ASTN2: variants seen among roughly 807,000 people sequenced by gnomAD.
ASTN2 encodes astrotactin 2, also known as astrotactin-2.
Under a neutral mutation model 139.8 loss-of-function variants are expected in ASTN2, and 54 were observed. The observed-to-expected ratio is 0.39, with a 90% CI of 0.31 to 0.48. The LOEUF is 0.48. Among genes scored for constraint, ASTN2 ranks in the 20% least tolerant of loss-of-function variants. The pLI is 0.95. For synonymous variants in ASTN2, 756 were observed against 719.5 expected (o/e 1.05, Z -0.81); for missense variants, 1,565 against 1,725.1 (o/e 0.91, Z 1.64).
intron 6 of ASTN2, among the ~76,000 whole-genome samples, chr9:117,026,038 T>G (rs1838067057): frequency 6.6e-6 from 1 of 152,124 alleles, no homozygotes. Flanking sequence ...GTGTTGGGAT[T>G]ACAGGCATGA....
At chr9:117,217,479 C>T (rs1465947638) in intron 2 of ASTN2, among the ~76,000 whole-genome samples, 5 of 152,216 alleles carry the variant, frequency 3.3e-5, no homozygotes, top group Non-Finnish European at 7.3e-5. Flanking sequence ...ACTAATGCCC[C>T]TTCTTCCTTC....
intron 10 of ASTN2, among the ~76,000 whole-genome samples, chr9:116,908,408 TA>T (rs34243195): frequency 0.51 from 76,844 of 151,960 alleles, 20,671 homozygotes; most frequent in Non-Finnish European, 0.6. Context: ...TAATGATTTA[TA>T]AATTCTTAGT....
At chr9:116,952,182 T>C (rs944851360) in intron 10 of ASTN2, among the ~76,000 whole-genome samples, 1 of 152,208 alleles carries the variant, frequency 6.6e-6, no homozygotes, top group African/African-American at 2.4e-5. Flanking sequence ...TTGCAGAAAA[T>C]AGCCCAACCA....
At chr9:117,032,231 G>A (rs1404765756) in intron 6 of ASTN2, among the ~76,000 whole-genome samples, 1 of 152,108 alleles carries the variant, frequency 6.6e-6, no homozygotes, top group African/African-American at 2.4e-5. Flanking sequence ...CCTTAGAGAT[G>A]GGTGAGACTG....
intron 7 of ASTN2, among the ~76,000 whole-genome samples, chr9:117,004,772 A>G (rs1244077595): frequency 6.6e-6 from 1 of 152,122 alleles, no homozygotes; most frequent in Non-Finnish European, 1.5e-5. Flanking sequence ...GACCAATAAC[A>G]ATTATAGGGG....
At chr9:117,027,860 T>C (rs1431239196) in intron 6 of ASTN2, among the ~76,000 whole-genome samples, 1 of 152,174 alleles carries the variant, frequency 6.6e-6, no homozygotes, top group African/African-American at 2.4e-5. Context: ...TTTTTGGCTA[T>C]TGTTATGCCA....
chr9:116,537,158 G>A (rs1408439104), intron 19 of ASTN2, among the ~76,000 whole-genome samples: 1 of 152,220 alleles, frequency 6.6e-6, no homozygotes, highest in African/African-American at 2.4e-5. Context: ...TCCGAGCCAC[G>A]TGCGGGATAT....
intron 11 of ASTN2, among the ~76,000 whole-genome samples, chr9:116,848,349 G>C (rs1214973745): frequency 6.6e-6 from 1 of 152,162 alleles, no homozygotes; most frequent in Non-Finnish European, 1.5e-5. Context: ...GGAGGTATTT[G>C]GGGAAAATAG....
At chr9:117,159,667 A>G (rs1290784975) in intron 3 of ASTN2, among the ~76,000 whole-genome samples, 1 of 152,068 alleles carries the variant, frequency 6.6e-6, no homozygotes, top group African/African-American at 2.4e-5. Flanking sequence ...TGATTTCCCC[A>G]TCAAGACAAC....
At chr9:117,281,722 C>T (rs1280108170) in intron 2 of ASTN2, among the ~76,000 whole-genome samples, 1 of 152,172 alleles carries the variant, frequency 6.6e-6, no homozygotes, top group Non-Finnish European at 1.5e-5. Context: ...CGCCCCTCCC[C>T]ACTTTACTTC....
chr9:116,428,361 T>G (rs890124666), intron 22 of ASTN2, among the ~76,000 whole-genome samples: 2 of 152,028 alleles, frequency 1.3e-5, no homozygotes, highest in African/African-American at 4.8e-5. Flanking sequence ...CTGTCTTTAC[T>G]AAAAATACAA....
chr9:116,981,785 T>G (rs1396577915), intron 7 of ASTN2, among the ~76,000 whole-genome samples: 2 of 152,206 alleles, frequency 1.3e-5, no homozygotes, highest in Non-Finnish European at 2.9e-5. Flanking sequence ...GAAATACCCT[T>G]AAGTACATTA....
At chr9:116,504,487 T>C (rs955689045) in intron 19 of ASTN2, 5 of 152,220 alleles carry the variant, frequency 3.3e-5, no homozygotes, top group African/African-American at 9.6e-5. Context: ...CTAGTGTTTA[T>C]TAAGCTCTTA....
intron 7 of ASTN2, among the ~76,000 whole-genome samples, chr9:116,996,098 A>T (rs1707488304): frequency 6.6e-6 from 1 of 152,020 alleles, no homozygotes. Flanking sequence ...ACTCAAGTTC[A>T]CTTGATCTCA....
chr9:116,761,034 G>A (rs1215733064), intron 13 of ASTN2, among the ~76,000 whole-genome samples: 1 of 152,176 alleles, frequency 6.6e-6, no homozygotes, highest in African/African-American at 2.4e-5. Context: ...AGCTCTGGCT[G>A]GCGCCTCCCA....
intron 13 of ASTN2, among the ~76,000 whole-genome samples, chr9:116,785,016 G>A (rs554959213): frequency 1.7e-4 from 26 of 151,728 alleles, no homozygotes; most frequent in African/African-American, 5.1e-4. Flanking sequence ...TTCCAATCCT[G>A]TCTCCATCCT....
At chr9:117,351,301 T>C (rs1829379069) in intron 1 of ASTN2, among the ~76,000 whole-genome samples, 1 of 152,150 alleles carries the variant, frequency 6.6e-6, no homozygotes, top group African/African-American at 2.4e-5. Context: ...GCGCTCAAGG[T>C]CTATTATAAC....
At chr9:116,759,029 G>C (rs1250920731) in intron 13 of ASTN2, among the ~76,000 whole-genome samples, 2 of 152,032 alleles carry the variant, frequency 1.3e-5, no homozygotes, top group African/African-American at 4.8e-5. Context: ...GAAGCGTACC[G>C]CCATGCCCTG....
At chr9:116,455,752 AT>A (rs1848313589) in intron 20 of ASTN2, among the ~76,000 whole-genome samples, 2 of 152,174 alleles carry the variant, frequency 1.3e-5, no homozygotes, top group African/African-American at 4.8e-5. Flanking sequence ...TAAAAAAAAA[AT>A]AGCATCCAGA....
Sources: allele counts gnomAD v4.1 joint callset (sites outside exome capture counted in the v4.1 genomes callset), GRCh38; gene constraint gnomAD v4.1.1; transcripts MANE v1.5; gene names NCBI Gene and HGNC (gene_info 2026-07-23, HGNC 2026-07-21).